JAZF1: variants seen among roughly 807,000 people sequenced by gnomAD.
JAZF1 encodes JAZF zinc finger 1.
A neutral mutation model predicts 26.4 loss-of-function variants in JAZF1; 8 were observed. That is an observed-to-expected ratio of 0.30 (90% CI 0.18 to 0.55). The LOEUF (loss-of-function observed/expected upper bound fraction) is 0.55, where lower values mean the gene tolerates loss of function less well. Ranked by LOEUF, JAZF1 falls within the 20% of genes least tolerant of loss-of-function variation. JAZF1 has a pLI of 0.94. For missense variants in JAZF1, 199 were observed against 322.0 expected, an observed-to-expected ratio of 0.62 and a Z score of 2.92; for synonymous variants, 126 against 122.3, an observed-to-expected ratio of 1.03 and a Z score of -0.20.
intron 2 of JAZF1, among the ~76,000 whole-genome samples, chr7:27,986,922 G>T (rs959002562): frequency 3.3e-5 from 5 of 152,166 alleles, no homozygotes; most frequent in African/African-American, 1.2e-4. Context: ...CTCCCGAGGT[G>T]CCAGGATTGC....
chr7:27,975,286 C>A (rs1785450426), intron 2 of JAZF1, among the ~76,000 whole-genome samples: 1 of 152,032 alleles, frequency 6.6e-6, no homozygotes, highest in Non-Finnish European at 1.5e-5. Flanking sequence ...TTTTAAACAA[C>A]CAGATCCTGT....
intron 1 of JAZF1, among the ~76,000 whole-genome samples, chr7:28,120,601 G>A (rs566708817): frequency 1.6e-3 from 218 of 135,964 alleles, no homozygotes; most frequent in Middle Eastern, 0.014. Context: ...TCCGCCTCCC[G>A]GGTTCAAGTG....
chr7:28,073,977 G>GT (rs1442171115), intron 1 of JAZF1, among the ~76,000 whole-genome samples: 1 of 125,214 alleles, frequency 8.0e-6, no homozygotes, highest in South Asian at 2.5e-4. Context: ...AGTTTACTTA[G>GT]TTAAAAAAAA....
intron 1 of JAZF1, among the ~76,000 whole-genome samples, chr7:28,021,132 C>T (rs975360310): frequency 3.3e-5 from 5 of 151,994 alleles, no homozygotes; most frequent in South Asian, 2.1e-4. Context: ...GACCCCATCA[C>T]GGTGAAGTAA....
At chr7:27,918,698 CTG>C (rs939180359) in intron 2 of JAZF1, among the ~76,000 whole-genome samples, 4 of 152,126 alleles carry the variant, frequency 2.6e-5, no homozygotes, top group Admixed American at 2.6e-4. Context: ...GCTTCATTAA[CTG>C]TGCTTGTGGC....
At chr7:27,891,223 G>C (rs1039554341) in intron 3 of JAZF1, among the ~76,000 whole-genome samples, 1 of 152,086 alleles carries the variant, frequency 6.6e-6, no homozygotes, top group African/African-American at 2.4e-5. Flanking sequence ...TGGCCTATGG[G>C]CCAACTCTGG....
At chr7:28,083,398 G>C (rs926276732) in intron 1 of JAZF1, among the ~76,000 whole-genome samples, 1 of 152,162 alleles carries the variant, frequency 6.6e-6, no homozygotes, top group African/African-American at 2.4e-5. Flanking sequence ...CCTGACCTAT[G>C]AGTTATTGAT....
chr7:28,041,972 A>C (rs1233258916), intron 1 of JAZF1, among the ~76,000 whole-genome samples: 2 of 152,206 alleles, frequency 1.3e-5, no homozygotes, highest in Non-Finnish European at 2.9e-5. Context: ...GCTGCCCTCA[A>C]ACACATTCTC....
intron 1 of JAZF1, among the ~76,000 whole-genome samples, chr7:28,072,038 G>A (rs569909252): frequency 8.5e-5 from 13 of 152,260 alleles, no homozygotes; most frequent in Non-Finnish European, 1.6e-4. Context: ...AATCAAACAC[G>A]TCTTCTGTTC....
intron 2 of JAZF1, among the ~76,000 whole-genome samples, chr7:27,989,819 C>T (rs1483748630): frequency 6.6e-6 from 1 of 152,190 alleles, no homozygotes; most frequent in Non-Finnish European, 1.5e-5. Flanking sequence ...AATAGGAACA[C>T]TTTTACACTG....
chr7:28,171,859 T>C (rs1032214316), intron 1 of JAZF1, among the ~76,000 whole-genome samples: 5 of 152,192 alleles, frequency 3.3e-5, no homozygotes, highest in Middle Eastern at 3.2e-3. Context: ...CTGTGGCACA[T>C]ATAGTAATGA....
chr7:27,873,679 G>C (rs994954643), intron 3 of JAZF1, among the ~76,000 whole-genome samples: 5 of 152,196 alleles, frequency 3.3e-5, no homozygotes, highest in African/African-American at 1.2e-4. Flanking sequence ...AAGGCACTGA[G>C]GTTGAGTCTC....
At chr7:27,837,564 T>C (rs1782839513) in intron 4 of JAZF1, among the ~76,000 whole-genome samples, 1 of 152,026 alleles carries the variant, frequency 6.6e-6, no homozygotes, top group Non-Finnish European at 1.5e-5. Flanking sequence ...CGCCTCAATG[T>C]AGAAAGAGCA....
chr7:27,987,423 C>T (rs1346926310), intron 2 of JAZF1, among the ~76,000 whole-genome samples: 13 of 152,024 alleles, frequency 8.6e-5, no homozygotes, highest in East Asian at 3.9e-4. Flanking sequence ...ACCCGGCAGC[C>T]GCCCCGTCTG....
chr7:28,042,218 G>C (rs965733377), intron 1 of JAZF1, among the ~76,000 whole-genome samples: 12 of 152,244 alleles, frequency 7.9e-5, no homozygotes, highest in Non-Finnish European at 1.8e-4. Context: ...AAGGTGGAGT[G>C]TGATGTGTGG....
At chr7:28,145,155 C>G (rs1783007771) in intron 1 of JAZF1, among the ~76,000 whole-genome samples, 1 of 152,092 alleles carries the variant, frequency 6.6e-6, no homozygotes, top group South Asian at 2.1e-4. Flanking sequence ...AAAAAATAAA[C>G]CTAGAGAGCT....
chr7:28,168,365 A>G (rs1384630400), intron 1 of JAZF1, among the ~76,000 whole-genome samples: 1 of 133,446 alleles, frequency 7.5e-6, no homozygotes, highest in African/African-American at 2.9e-5. Context: ...TGGGTGACAG[A>G]GCGAGACTCC....
At chr7:27,890,224 G>GGT (rs1201059256) in intron 3 of JAZF1, among the ~76,000 whole-genome samples, 6 of 152,150 alleles carry the variant, frequency 3.9e-5, no homozygotes, top group Non-Finnish European at 2.9e-5. Flanking sequence ...CAATGTCACT[G>GGT]GTGTAAATAC....
chr7:28,150,081 G>C (rs566864251), intron 1 of JAZF1, among the ~76,000 whole-genome samples: 6 of 152,302 alleles, frequency 3.9e-5, no homozygotes, highest in African/African-American at 1.4e-4. Flanking sequence ...GAACTTTCTA[G>C]GGGAGGCAGT....
Sources: allele counts gnomAD v4.1 joint callset (sites outside exome capture counted in the v4.1 genomes callset), GRCh38; gene constraint gnomAD v4.1.1; transcripts MANE v1.5; gene names NCBI Gene and HGNC (gene_info 2026-07-23, HGNC 2026-07-21).